SLC9D1: variants seen among roughly 807,000 people sequenced by gnomAD.
The protein encoded by SLC9D1 is solute carrier family 9 member D1.
At chr13:113,548,670 C>G in the SLC9D1 span, among the ~76,000 whole-genome samples, 4 of 152,228 alleles carry the variant, frequency 2.6e-5, no homozygotes, top group Non-Finnish European at 5.9e-5. Context: ...ATTGCATTAA[C>G]CTTTTACAAC....
At chr13:113,503,689 G>A in the SLC9D1 span, 1 of 698,924 alleles carries the variant, frequency 1.4e-6, no homozygotes. Flanking sequence ...ACTATCAAAT[G>A]TTTTTAGAAT....
At chr13:113,540,623 T>C in the SLC9D1 span, among the ~76,000 whole-genome samples, 3 of 152,214 alleles carry the variant, frequency 2.0e-5, no homozygotes, top group Admixed American at 6.5e-5. Flanking sequence ...TCCTGATAGA[T>C]TATAGATATA....
At chr13:113,549,467 C>T in the SLC9D1 span, 9 of 1,613,968 alleles carry the variant, frequency 5.6e-6, no homozygotes, top group Non-Finnish European at 5.1e-6. Flanking sequence ...CAGCCTCTTG[C>T]TCGCCCCGGT....
chr13:113,547,116 T>TC, the SLC9D1 span: 1 of 595,942 alleles, frequency 1.7e-6, no homozygotes. Context: ...GGCAGGCTTT[T>TC]CCCCGGTTCG....
chr13:113,536,475 A>G, the SLC9D1 span: 1 of 669,906 alleles, frequency 1.5e-6, no homozygotes, highest in South Asian at 6.7e-5. Flanking sequence ...TAACTATTTC[A>G]AGAGTGTGAC....
the SLC9D1 span, among the ~76,000 whole-genome samples, chr13:113,542,993 C>T: frequency 6.6e-6 from 1 of 151,528 alleles, no homozygotes; most frequent in Non-Finnish European, 1.5e-5. Context: ...GGGAGAGCCT[C>T]TCGGCTGCCA....
chr13:113,530,335 A>G, the SLC9D1 span: 3 of 152,228 alleles, frequency 2.0e-5, no homozygotes, highest in African/African-American at 7.2e-5. Flanking sequence ...ATTGAATTGT[A>G]TACTTTAAAT....
At chr13:113,525,831 C>T in the SLC9D1 span, among the ~76,000 whole-genome samples, 1 of 149,188 alleles carries the variant, frequency 6.7e-6, no homozygotes, top group African/African-American at 2.5e-5. Flanking sequence ...GACGACAGCT[C>T]TGTGCCTGTT....
the SLC9D1 span, chr13:113,534,557 G>A: frequency 8.2e-6 from 3 of 366,500 alleles, no homozygotes; most frequent in Admixed American, 4.4e-5. Flanking sequence ...GGGAAGCTGA[G>A]GCAGGAGAAT....
chr13:113,497,269 C>CTG, the SLC9D1 span, among the ~76,000 whole-genome samples: 1 of 151,706 alleles, frequency 6.6e-6, no homozygotes, highest in Non-Finnish European at 1.5e-5. Context: ...CTATGTGAGA[C>CTG]CAGCTGTGTG....
the SLC9D1 span, among the ~76,000 whole-genome samples, chr13:113,508,457 G>C: frequency 6.6e-6 from 1 of 152,238 alleles, no homozygotes; most frequent in Non-Finnish European, 1.5e-5. Context: ...AAGAGGAAGG[G>C]TGTGAGACGC....
chr13:113,516,565 C>CA, the SLC9D1 span, among the ~76,000 whole-genome samples: 1,203 of 87,070 alleles, frequency 0.014, 12 homozygotes, highest in Non-Finnish European at 0.016. Context: ...GACTCCATCT[C>CA]AAAAAAAAAA....
At chr13:113,501,358 A>G in the SLC9D1 span, among the ~76,000 whole-genome samples, 1 of 152,232 alleles carries the variant, frequency 6.6e-6, no homozygotes, top group South Asian at 2.1e-4. Flanking sequence ...TTGTGTAGGT[A>G]TCATAAGTAA....
At chr13:113,520,613 C>A in the SLC9D1 span, 2 of 1,607,330 alleles carry the variant, frequency 1.2e-6, no homozygotes, top group Non-Finnish European at 1.7e-6. Flanking sequence ...TTTCCCCCCA[C>A]AGGCGACATT....
At chr13:113,518,645 C>G in the SLC9D1 span, among the ~76,000 whole-genome samples, 6 of 152,088 alleles carry the variant, frequency 3.9e-5, no homozygotes, top group African/African-American at 1.4e-4. Flanking sequence ...TCCCGTCTTG[C>G]GAAGGCTGCG....
the SLC9D1 span, chr13:113,503,591 A>G: frequency 5.0e-6 from 8 of 1,605,844 alleles, no homozygotes; most frequent in African/African-American, 1.1e-4. Context: ...TAAGAAAGGT[A>G]AGGACCTCAT....
the SLC9D1 span, among the ~76,000 whole-genome samples, chr13:113,494,895 T>C: frequency 6.6e-6 from 1 of 152,154 alleles, no homozygotes. Context: ...TTTTTGTTTT[T>C]TTTTTGAGAC....
At chr13:113,534,036 C>T in the SLC9D1 span, 2 of 1,572,910 alleles carry the variant, frequency 1.3e-6, no homozygotes, top group Admixed American at 2.0e-5. Flanking sequence ...TCTCTTTTTT[C>T]TTTCCCAGCA....
chr13:113,544,969 T>C, the SLC9D1 span, among the ~76,000 whole-genome samples: 1 of 152,270 alleles, frequency 6.6e-6, no homozygotes, highest in Non-Finnish European at 1.5e-5. Context: ...TCCAGCTTTA[T>C]CGACAATGTC....
Sources: gnomAD v4.1 joint callset for allele counts (sites outside exome capture counted in the v4.1 genomes callset) on GRCh38, gnomAD v4.1.1 for gene constraint, MANE v1.5 for transcripts, NCBI Gene and HGNC (gene_info 2026-07-23, HGNC 2026-07-21) for gene names.